Variants in BICDL1 observed in about 807,000 individuals in gnomAD.
BICDL1 encodes the protein BICD family-like cargo adapter 1.
Under a neutral mutation model 76.8 loss-of-function variants are expected in BICDL1, and 20 were observed. That is an observed-to-expected ratio of 0.26 (90% confidence interval 0.18 to 0.38). BICDL1 has a LOEUF of 0.38. Among genes scored for constraint, BICDL1 ranks in the 10% least tolerant of loss-of-function variants. BICDL1 has a pLI of 1.00. For missense variants in BICDL1, 700 were observed against 798.6 expected (o/e 0.88, Z 1.49); for synonymous variants, 383 against 337.1 (o/e 1.14, Z -1.49).
At chr12:120,003,623 A>G (rs1290961284) in intron 2 of BICDL1, among the ~76,000 whole-genome samples, 1 of 152,226 alleles carries the variant, frequency 6.6e-6, no homozygotes, top group African/African-American at 2.4e-5. Context: ...GACACCTAAT[A>G]TTATTATCAT....
intron 3 of BICDL1, 105 bp from the exon 4 acceptor site, chr12:120,064,627 GA>G: frequency 8.6e-7 from 1 of 1,157,866 alleles, no homozygotes; most frequent in African/African-American, 1.6e-5. Context: ...ACATTGGGCA[GA>G]ATACTGAAAG....
At chr12:119,997,113 TA>T (rs1258609465) in intron 1 of BICDL1, among the ~76,000 whole-genome samples, 1 of 152,088 alleles carries the variant, frequency 6.6e-6, no homozygotes, top group African/African-American at 2.4e-5. Context: ...CTCGCCCGGC[TA>T]ATTTTATATT....
intron 2 of BICDL1, among the ~76,000 whole-genome samples, chr12:120,013,084 G>T (rs1392068799): frequency 6.6e-6 from 1 of 152,136 alleles, no homozygotes; most frequent in African/African-American, 2.4e-5. Flanking sequence ...GCCAAGGCGG[G>T]TGGATCACCT....
At chr12:120,086,205 C>T (rs1874400665) in intron 8 of BICDL1, among the ~76,000 whole-genome samples, 1 of 152,054 alleles carries the variant, frequency 6.6e-6, no homozygotes, top group Non-Finnish European at 1.5e-5. Flanking sequence ...TTCCTGGACT[C>T]CTATAGAACA....
chr12:120,040,099 C>A (rs1015608639), intron 2 of BICDL1, among the ~76,000 whole-genome samples: 4 of 151,978 alleles, frequency 2.6e-5, no homozygotes, highest in African/African-American at 4.8e-5. Context: ...TTTTTCTTTT[C>A]TTTTCTTTTT....
intron 2 of BICDL1, among the ~76,000 whole-genome samples, chr12:120,008,436 G>A (rs1951891691): frequency 6.6e-6 from 1 of 152,146 alleles, no homozygotes; most frequent in South Asian, 2.1e-4. Flanking sequence ...TGGGATTACA[G>A]GCGTGAGCCA....
chr12:120,093,324 G>C lies in BICDL1; in HGVS notation c.*163G>C. 1 of 808,598 alleles carries C rather than the reference G, an allele frequency of 1.2e-6. No individual in the cohort carries two copies. The highest frequency in any genetic ancestry group is 1.9e-6 in the Non-Finnish European group (1 of 524,774). 50.1% of individuals were successfully genotyped at this position (808,598 alleles called of 1,614,324 possible). ...CTGCTCCCTTTCGTCGGTGGGGATG[G>C]AGACCTAGAGGTGGGGGCCTGCCTT... is the stretch of plus-strand genomic sequence containing the variant. On this transcript the variant is annotated 3_prime_UTR_variant, in exon 10 of 10. Coordinates refer to ENST00000548673, the MANE Select transcript of BICDL1 (RefSeq NM_001367886.1).
intron 6 of BICDL1, among the ~76,000 whole-genome samples, chr12:120,072,972 G>A (rs1244587643): frequency 1.3e-5 from 2 of 152,200 alleles, no homozygotes; most frequent in African/African-American, 2.4e-5. Flanking sequence ...TCAGGTTCAA[G>A]TGATTCTCGT....
At chr12:120,044,074 C>T (rs897040688) in intron 2 of BICDL1, among the ~76,000 whole-genome samples, 1 of 152,134 alleles carries the variant, frequency 6.6e-6, no homozygotes, top group Non-Finnish European at 1.5e-5. Flanking sequence ...TGAGGAAAGA[C>T]ATTCCAAAAG....
Position 120,074,497 on chromosome 12 carries a change from G to A in BICDL1, c.1363G>A (p.Glu455Lys), listed in dbSNP as rs1304362073. The A allele has an allele frequency of 3.4e-5, 44 of 1,280,522 alleles. No homozygotes were observed. Among genetic ancestry groups the A allele is most frequent in the Non-Finnish European group, 4.5e-5 (44 of 984,608 alleles). 79.3% of individuals were successfully genotyped at this position (1,280,522 alleles called of 1,614,324 possible). A position where few individuals can be genotyped will look rare whatever the true frequency, so the allele number is the denominator to read the frequency against. The change falls in exon 7 of 10, where the codon GAG (glutamate) becomes AAG (lysine). Residue 455 changes from glutamate (E) to lysine (K), a missense_variant. By Grantham distance (56) the Glu-to-Lys change is moderately conservative (BLOSUM62 1). Transcript: ENST00000548673. ...SLEEQIRQTS[E>K]DSRALRELME... Reference sequence around the variant, plus strand: ...AGAAGAACAGATAAGGCAGACCAGTGAGGACTCGAGAGCCCTAAGGGAGCT... The same window carrying A: ...AGAAGAACAGATAAGGCAGACCAGTAAGGACTCGAGAGCCCTAAGGGAGCT...
intron 2 of BICDL1, among the ~76,000 whole-genome samples, chr12:120,035,015 T>G (rs1952504394): frequency 6.6e-6 from 1 of 152,232 alleles, no homozygotes; most frequent in African/African-American, 2.4e-5. Context: ...AGTTAGGTTG[T>G]TTCTGTAATT....
intron 1 of BICDL1, among the ~76,000 whole-genome samples, chr12:119,996,733 C>CT (rs1951655689): frequency 6.6e-6 from 1 of 152,094 alleles, no homozygotes; most frequent in Admixed American, 6.6e-5. Context: ...CAGTCTATTC[C>CT]TAACTGCATC....
intron 1 of BICDL1, among the ~76,000 whole-genome samples, chr12:119,994,355 A>C (rs374764116): frequency 8.6e-5 from 13 of 150,404 alleles, no homozygotes; most frequent in Admixed American, 5.3e-4. Context: ...TTTCAGAACC[A>C]TGTACTGGAC....
chr12:120,086,938 G>A (rs1358203500), intron 8 of BICDL1, among the ~76,000 whole-genome samples: 2 of 152,216 alleles, frequency 1.3e-5, no homozygotes, highest in African/African-American at 4.8e-5. Flanking sequence ...GCCTCAGGGC[G>A]TTTTTTGGCA....
chr12:120,028,065 G>C (rs1454533790), intron 2 of BICDL1, among the ~76,000 whole-genome samples: 2 of 152,150 alleles, frequency 1.3e-5, no homozygotes, highest in Non-Finnish European at 2.9e-5. Context: ...AATTCATTGG[G>C]AAATTGGCTG....
chr12:119,999,767 A>C (rs1260982933), intron 2 of BICDL1: 5 of 444,016 alleles, frequency 1.1e-5, no homozygotes, highest in African/African-American at 2.0e-5. Flanking sequence ...TTAGAAAATT[A>C]AGACTTGGAT....
chr12:120,083,842 G>A (rs1014004621), intron 8 of BICDL1, among the ~76,000 whole-genome samples: 1 of 151,500 alleles, frequency 6.6e-6, no homozygotes, highest in Non-Finnish European at 1.5e-5. Flanking sequence ...TAGTAGAGAC[G>A]GGGTTTCAGC....
At chr12:120,065,115 C>T (rs898950022) in intron 4 of BICDL1, among the ~76,000 whole-genome samples, 7 of 152,230 alleles carry the variant, frequency 4.6e-5, no homozygotes, top group Admixed American at 1.3e-4. Flanking sequence ...CACTGGCCCA[C>T]GGAGCAGTTT....
At chr12:120,082,050 T>C (rs1331350214) in intron 8 of BICDL1, among the ~76,000 whole-genome samples, 1 of 152,200 alleles carries the variant, frequency 6.6e-6, no homozygotes, top group African/African-American at 2.4e-5. Context: ...ATAACTGATT[T>C]AGAATCAGAC....
Sources: gnomAD v4.1 joint callset for allele counts (sites outside exome capture counted in the v4.1 genomes callset) on GRCh38, gnomAD v4.1.1 for gene constraint, MANE v1.5 for transcripts, NCBI Gene and HGNC (gene_info 2026-07-23, HGNC 2026-07-21) for gene names.